The following TBCE variants were observed in gnomAD, a reference collection of about 807,000 sequenced individuals.
The protein encoded by TBCE is tubulin-specific chaperone E.
TBCE carries 53 observed loss-of-function variants against 77.0 expected under a neutral mutation model. The observed-to-expected ratio is 0.69, with a 90% CI of 0.55 to 0.87. The LOEUF (loss-of-function observed/expected upper bound fraction) is 0.87, where lower values mean the gene tolerates loss of function less well. Ranked by LOEUF, TBCE falls within the 40% of genes least tolerant of loss-of-function variation. The pLI is 0.00. For synonymous variants in TBCE, 235 were observed against 241.3 expected (o/e 0.97, Z 0.24); for missense variants, 624 against 622.4 (o/e 1.00, Z -0.03).
chr1:235,379,996 C>A, intron 1 of TBCE, 23 bp from the exon 2 acceptor site: 3 of 1,336,178 alleles, frequency 2.2e-6, no homozygotes, highest in Non-Finnish European at 3.2e-6. Context: ...AAGTTCTTAT[C>A]AGTGTTGTAT....
At position 235,437,343 on chromosome 1, in the gene TBCE, G is replaced by A. The variant is rs752170040; in HGVS notation, c.985G>A (p.Glu329Lys). 8 of 1,613,920 alleles carry A rather than the reference G, an allele frequency of 5.0e-6. No individual in the cohort carries two copies. The East Asian group carries it at 1.6e-4, about 31-fold the overall frequency. ...TCAGTGGTCGTTTTTCAATGAGCTA[G>A]AGAAGTTACCAAGTCTACGGGCTTT... ...ISQWSFFNEL[E>K]KLPSLRALSC... Residue 329 changes from glutamate (E) to lysine (K), a missense_variant, in exon 12 of 17, where the codon GAG becomes AAG. By Grantham distance (56) the Glu-to-Lys change is moderately conservative (BLOSUM62 1). Transcript: ENST00000642610.
At chr1:235,414,145 C>T (rs991807601) in intron 3 of TBCE, 2 of 367,310 alleles carry the variant, frequency 5.4e-6, no homozygotes, top group Non-Finnish European at 1.0e-5. Context: ...CATGAGCCAC[C>T]GTGCCTGGCC....
In TBCE at chr1:235,396,954, G is replaced by GTTTATTTATTTA. The variant is rs143979836; in HGVS notation, c.101-4529_101-4518dup. Among the ~76,000 whole-genome samples the GTTTATTTATTTA allele has an allele frequency of 7.8e-3, 1,163 of 148,450 alleles. 13 individuals carry two copies. The highest frequency in any genetic ancestry group is 0.027 in the African/African-American group (1,079 of 40,412). On this transcript the variant is annotated intron_variant, in intron 2 of 16. Coordinates refer to ENST00000642610, the MANE Select transcript of TBCE (RefSeq NM_003193.5). ...GAGTTGTCTCTTCACTTTGTTGATTGTTTATTTATTTATTTATTTATTTAT... is the reference window on the plus strand; with the variant it reads ...GAGTTGTCTCTTCACTTTGTTGATTGTTTATTTATTTATTTATTTATTTATTTATTTATTTAT...
chr1:235,432,046 T>A (rs1477564898), intron 7 of TBCE, among the ~76,000 whole-genome samples: 1 of 150,254 alleles, frequency 6.7e-6, no homozygotes, highest in Non-Finnish European at 1.5e-5. Context: ...TGCAGTGGCA[T>A]GATCTCGGCT....
chr1:235,402,663 C>T (rs1159135348), intron 3 of TBCE, among the ~76,000 whole-genome samples: 5 of 152,016 alleles, frequency 3.3e-5, no homozygotes, highest in African/African-American at 4.8e-5. Context: ...GACATTGTCT[C>T]GCCTAGACTG....
intron 2 of TBCE, among the ~76,000 whole-genome samples, chr1:235,398,802 G>A (rs537723350): frequency 1.3e-5 from 2 of 148,192 alleles, no homozygotes; most frequent in African/African-American, 2.5e-5. Flanking sequence ...AATCGCTTGA[G>A]CCGGGCTTAT....
At chr1:235,402,537 T>G (rs1679174561) in intron 3 of TBCE, among the ~76,000 whole-genome samples, 2 of 152,198 alleles carry the variant, frequency 1.3e-5, no homozygotes, top group African/African-American at 4.8e-5. Flanking sequence ...TAGTAAGCTG[T>G]TTTTCCTTAA....
At chr1:235,404,006 C>T (rs535591532) in intron 3 of TBCE, among the ~76,000 whole-genome samples, 2 of 152,204 alleles carry the variant, frequency 1.3e-5, no homozygotes, top group South Asian at 2.1e-4. Flanking sequence ...TGGCCGGGTG[C>T]GTTGGCTCAC....
In TBCE at chr1:235,381,902, G is replaced by C. The variant is rs1181138913; in HGVS notation, c.100+1753G>C. Among the ~76,000 whole-genome samples, 8 of 147,302 alleles carry C rather than the reference G, an allele frequency of 5.4e-5. No individual in the cohort carries two copies. In the East Asian group the frequency reaches 1.6e-3, roughly 30 times the overall value. On this transcript the variant is annotated intron_variant, in intron 2 of 16. Coordinates refer to ENST00000642610, the MANE Select transcript of TBCE (RefSeq NM_003193.5). ...ATATGTATACATGTGCCATGCTGGT[G>C]TGCTGCACCCATTAACTCGTCATTT...
intron 1 of TBCE, among the ~76,000 whole-genome samples, chr1:235,379,410 C>A (rs1677479540): frequency 6.6e-6 from 1 of 151,996 alleles, no homozygotes; most frequent in Admixed American, 6.6e-5. Context: ...GTGCTGTAAT[C>A]CCAGCTACTT....
intron 5 of TBCE, among the ~76,000 whole-genome samples, chr1:235,424,322 C>CTTTTTT (rs1160280902): frequency 8.1e-6 from 1 of 123,782 alleles, no homozygotes; most frequent in Non-Finnish European, 1.7e-5. Flanking sequence ...TCTTAGAGCT[C>CTTTTTT]TTTTTTTTTT....
intron 2 of TBCE, among the ~76,000 whole-genome samples, chr1:235,397,277 C>G (rs1430374520): frequency 3.4e-5 from 5 of 149,154 alleles, no homozygotes; most frequent in Admixed American, 6.8e-5. Flanking sequence ...TCTGGGCTCA[C>G]TGCAAGCTCC....
At chr1:235,378,883 A>C (rs1677455237) in intron 1 of TBCE, among the ~76,000 whole-genome samples, 1 of 152,022 alleles carries the variant, frequency 6.6e-6, no homozygotes, top group Non-Finnish European at 1.5e-5. Context: ...AAAGAAAGTG[A>C]GTTTTATTTA....
chr1:235,368,541 T>C (rs1188518981), intron 1 of TBCE, among the ~76,000 whole-genome samples: 2 of 142,062 alleles, frequency 1.4e-5, no homozygotes, highest in African/African-American at 5.3e-5. Context: ...TTAATCTAAG[T>C]GGACAGCCTG....
rs1457812420 is a variant in TBCE, at chr1:235,428,969, G to GTGTGTGTGTGTGTGTGTGTGTGTGTA, written c.560+1731_560+1732insGTGTGTGTGTGTGTGTGTGTGTGTAT. ...TGTATGTATGTATATATGTATGTGT[G>GTGTGTGTGTGTGTGTGTGTGTGTGTA]TATATATATATATATATTTTTTTTT... On this transcript the variant is annotated intron_variant, in intron 6 of 16. Coordinates refer to ENST00000642610, the MANE Select transcript of TBCE (RefSeq NM_003193.5). 7.2e-5 allele frequency: 8 copies of GTGTGTGTGTGTGTGTGTGTGTGTGTA among 110,996 alleles called. 1 individual carries two copies. The highest frequency in any genetic ancestry group is 3.4e-4 in the African/African-American group (8 of 23,502). 6.9% of individuals were successfully genotyped at this position (110,996 alleles called of 1,614,324 possible). A position where few individuals can be genotyped will look rare whatever the true frequency, so the allele number is the denominator to read the frequency against.
intron 12 of TBCE, 149 bp from the exon 13 acceptor site, chr1:235,438,620 G>T: frequency 1.1e-6 from 1 of 880,994 alleles, no homozygotes; most frequent in Non-Finnish European, 1.8e-6. Flanking sequence ...TTCTGTCAAT[G>T]TTAAAAAGAA....
chr1:235,435,513 T>C (rs1681388635), intron 8 of TBCE, among the ~76,000 whole-genome samples: 1 of 152,300 alleles, frequency 6.6e-6, no homozygotes, highest in Non-Finnish European at 1.5e-5. Flanking sequence ...GGTTCCCCCA[T>C]TGGTAACAAG....
At chr1:235,386,768 T>C (rs990295361) in intron 2 of TBCE, among the ~76,000 whole-genome samples, 1 of 152,210 alleles carries the variant, frequency 6.6e-6, no homozygotes, top group African/African-American at 2.4e-5. Flanking sequence ...CTCGGAGTAG[T>C]TTGATCGTCT....
intron 13 of TBCE, among the ~76,000 whole-genome samples, chr1:235,440,188 T>A (rs1681769451): frequency 1.3e-5 from 2 of 152,110 alleles, no homozygotes; most frequent in East Asian, 3.9e-4. Flanking sequence ...GCCAGGATGG[T>A]CTCGATCTCC....
Sources: gnomAD v4.1 joint callset for allele counts (sites outside exome capture counted in the v4.1 genomes callset) on GRCh38, gnomAD v4.1.1 for gene constraint, MANE v1.5 for transcripts, NCBI Gene and HGNC (gene_info 2026-07-23, HGNC 2026-07-21) for gene names.